The following GART variants were observed in gnomAD, a reference collection of about 807,000 sequenced individuals.
GART encodes phosphoribosylglycinamide formyltransferase, phosphoribosylglycinamide synthetase, phosphoribosylaminoimidazole synthetase.
In GART, 43 loss-of-function variants were observed where a neutral mutation model predicts 107.2. The observed-to-expected ratio is 0.40, with a 90% CI of 0.31 to 0.52. GART has a LOEUF of 0.52. GART is among the 20% of genes least tolerant of loss of function. The probability of loss-of-function intolerance (pLI) is 0.52; values close to 1 mark genes in which losing one functional copy is unlikely to be tolerated. For synonymous variants in GART, 434 were observed against 427.0 expected (o/e 1.02, Z -0.20); for missense variants, 1,107 against 1,206.5 (o/e 0.92, Z 1.22).
rs375780257 is a variant in GART, at chr21:33,505,927, G to A, written c.2583+47C>T. ...CCAGGGTCCTGTGAGGGCAGATTAC[G>A]AGCTTAAATATGGCCCACAGCAAAG... On this transcript the variant is annotated intron_variant, in intron 19 of 21. Transcript: ENST00000381815. 3.9e-5 allele frequency: 62 copies of A among 1,607,286 alleles called. No homozygotes were observed. The Admixed American group carries it at 6.6e-4, about 17-fold the overall frequency.
chr21:33,538,782 A>G (rs960468144), intron 2 of GART, among the ~76,000 whole-genome samples: 1 of 152,098 alleles, frequency 6.6e-6, no homozygotes, highest in African/African-American at 2.4e-5. Flanking sequence ...ATAGTAGTCT[A>G]TATTTTATTT....
At chr21:33,525,084 CTTTT>C (rs35083461) in intron 10 of GART, 84 bp from the exon 11 acceptor site, 19 of 1,364,408 alleles carry the variant, frequency 1.4e-5, no homozygotes, top group Admixed American at 3.0e-5. Flanking sequence ...CCACAAGTTT[CTTTT>C]TTTTTTTTTT....
At chr21:33,508,958 TGTG>T (rs2084735430) in intron 18 of GART, among the ~76,000 whole-genome samples, 1 of 152,240 alleles carries the variant, frequency 6.6e-6, no homozygotes, top group South Asian at 2.1e-4. Flanking sequence ...CTGCAAATGA[TGTG>T]GTTTTATTCT....
intron 16 of GART, among the ~76,000 whole-genome samples, chr21:33,516,765 A>C (rs2084886631): frequency 6.6e-6 from 1 of 152,202 alleles, no homozygotes; most frequent in South Asian, 2.1e-4. Context: ...CGAGTACTTC[A>C]ACTTTATGTA....
In GART at chr21:33,509,387, T is replaced by G. The variant is rs139644405; in HGVS notation, c.2452+396A>C. 4.9e-3 allele frequency: 780 copies of G among 158,942 alleles called. 26 individuals carry two copies. The highest frequency in any genetic ancestry group is 0.046 in the Admixed American group (724 of 15,606). The allele number at this position is 158,942 out of a possible 1,614,324, so 9.8% of individuals were successfully genotyped here. ...ATAGAGGGAAAAAAATCAGGCTACA[T>G]CCATCTGAGAGAATACAATACTCTT... On this transcript the variant is annotated intron_variant, in intron 18 of 21. Coordinates refer to ENST00000381815, the MANE Select transcript of GART (RefSeq NM_000819.5).
At chr21:33,529,245 G>A (rs2085135951) in intron 7 of GART, among the ~76,000 whole-genome samples, 1 of 152,096 alleles carries the variant, frequency 6.6e-6, no homozygotes, top group Non-Finnish European at 1.5e-5. Flanking sequence ...ACTCTTCCCA[G>A]TATACGCTGC....
At chr21:33,525,459 G>A (rs928984445) in intron 10 of GART, among the ~76,000 whole-genome samples, 8 of 152,028 alleles carry the variant, frequency 5.3e-5, no homozygotes, top group Non-Finnish European at 4.4e-5. Flanking sequence ...TTTTTGAGAC[G>A]GAGTCTCACT....
At chr21:33,542,348 G>T (rs867164637), upstream of GART, 5 of 152,350 alleles carry the variant, frequency 3.3e-5, no homozygotes, top group African/African-American at 9.7e-5. Context: ...AGGAGCGCCG[G>T]GGGGGAGCGC....
At chr21:33,536,102 C>T (rs147027489) in intron 2 of GART, among the ~76,000 whole-genome samples, 93 of 151,886 alleles carry the variant, frequency 6.1e-4, no homozygotes, top group African/African-American at 2.1e-3. Flanking sequence ...GCTGTAGGAA[C>T]GCTGGGTAAT....
intron 11 of GART, chr21:33,524,533 A>T: frequency 8.6e-7 from 1 of 1,157,916 alleles, no homozygotes; most frequent in Non-Finnish European, 1.1e-6. Context: ...AAAACAAATA[A>T]AAATCAGTAC....
chr21:33,521,874 G>A (rs1430270740), intron 12 of GART, among the ~76,000 whole-genome samples: 2 of 149,026 alleles, frequency 1.3e-5, no homozygotes, highest in Admixed American at 6.8e-5. Flanking sequence ...CAGGAGAATC[G>A]CTTGAAATCA....
At chr21:33,517,889 A>C (rs1601190783) in intron 14 of GART, among the ~76,000 whole-genome samples, 1 of 152,248 alleles carries the variant, frequency 6.6e-6, no homozygotes, top group East Asian at 1.9e-4. Flanking sequence ...GCTCAGTTGA[A>C]TATAACATCA....
intron 2 of GART, 27 bp from the exon 3 acceptor site, chr21:33,535,347 A>AATCAG: frequency 7.8e-7 from 1 of 1,282,678 alleles, no homozygotes; most frequent in Non-Finnish European, 1.1e-6. Context: ...AAAAAAAAAA[A>AATCAG]CCACTGCATT....
chr21:33,532,475 C>T lies in GART; in HGVS notation c.417-19G>A, dbSNP rs757209657. On this transcript the variant is annotated intron_variant, in intron 4 of 21. Transcript: ENST00000381815. ...GTCTGCACTGTAAAGACAGAGTAAT[C>T]GTCAACATCCAATAAACCATTACAA... The T allele has an allele frequency of 1.2e-5, 19 of 1,545,208 alleles. No individual in the cohort carries two copies. Among genetic ancestry groups the T allele is most frequent in the South Asian group, 4.5e-5 (4 of 89,554 alleles).
chr21:33,506,568 C>T (rs953776290), intron 18 of GART, among the ~76,000 whole-genome samples: 15 of 152,106 alleles, frequency 9.9e-5, no homozygotes, highest in Non-Finnish European at 2.9e-5. Flanking sequence ...GCACAGGCAA[C>T]TAAAGTAAAT....
chr21:33,513,762 T>C (rs1256862208), intron 16 of GART, among the ~76,000 whole-genome samples: 3 of 152,130 alleles, frequency 2.0e-5, no homozygotes, highest in South Asian at 4.1e-4. Flanking sequence ...ATCTGTAAAA[T>C]GGAATACTTG....
intron 16 of GART, among the ~76,000 whole-genome samples, chr21:33,513,211 C>T (rs1206027974): frequency 6.6e-6 from 1 of 151,460 alleles, no homozygotes; most frequent in Non-Finnish European, 1.5e-5. Context: ...GGGATCCATC[C>T]ACCTCAGCCT....
chr21:33,524,587 GT>G, intron 11 of GART, 181 bp downstream of exon 11: 1 of 1,083,768 alleles, frequency 9.2e-7, no homozygotes, highest in Non-Finnish European at 1.1e-6. Flanking sequence ...CTATCATGAA[GT>G]TTTTTCCATT....
rs781566657 is a variant in GART at position 33,532,340 on chromosome 21, C to A, written c.528+5G>T. The A allele has an allele frequency of 4.4e-6, 7 of 1,605,206 alleles. No individual in the cohort carries two copies. In the African/African-American group the frequency reaches 5.4e-5, roughly 12 times the overall value. On this transcript the variant is annotated splice_donor_5th_base_variant and intron_variant, in intron 5 of 21. Transcript: ENST00000381815. ...AAGTAAATTTTTTCAGAAGACCCAG[C>A]CTACCTGCATGATCTCTTGTACAGC...
Sources: allele counts gnomAD v4.1 joint callset (sites outside exome capture counted in the v4.1 genomes callset), GRCh38; gene constraint gnomAD v4.1.1; transcripts MANE v1.5; gene names NCBI Gene and HGNC (gene_info 2026-07-23, HGNC 2026-07-21).